The following PVALB variants were observed in gnomAD, a reference collection of about 807,000 sequenced individuals.
The protein encoded by PVALB is parvalbumin.
Under a neutral mutation model 10.9 loss-of-function variants are expected in PVALB, and 11 were observed. The ratio of observed to expected loss-of-function variants is 1.01; its 90% confidence interval spans 0.63 to 1.67. The LOEUF is 1.67. Ranked by LOEUF, PVALB falls within the 40% of genes most tolerant of loss-of-function variation. The pLI is 0.00. For synonymous variants in PVALB, 57 were observed against 50.7 expected, an observed-to-expected ratio of 1.12 and a Z score of -0.53; for missense variants, 131 against 136.2, an observed-to-expected ratio of 0.96 and a Z score of 0.19.
intron 3 of PVALB, among the ~76,000 whole-genome samples, chr22:36,803,673 G>GTGGA (rs535685267): frequency 0.27 from 31,729 of 119,660 alleles, 5,419 homozygotes; most frequent in East Asian, 0.6. Context: ...GGGTGGGTGG[G>GTGGA]TGGATGGATG....
intron 3 of PVALB, among the ~76,000 whole-genome samples, chr22:36,803,320 T>A (rs1460340462): frequency 6.6e-6 from 1 of 152,200 alleles, no homozygotes; most frequent in African/African-American, 2.4e-5. Flanking sequence ...TAGTCCTTTT[T>A]TATTTACTTC....
In PVALB at chr22:36,801,755, G is replaced by A. The variant is rs555516328; in HGVS notation, c.305-837C>T. ...GCAGAGGTTGCAGTGAGCCAAGATCGTGCCACCGCACTCCAGCTTGGGCAA... is the reference window on the plus strand; with the variant it reads ...GCAGAGGTTGCAGTGAGCCAAGATCATGCCACCGCACTCCAGCTTGGGCAA... On this transcript the variant is annotated intron_variant, in intron 3 of 3. Transcript: ENST00000417718. Among the ~76,000 whole-genome samples the A allele has an allele frequency of 6.6e-5, 10 of 152,280 alleles. No homozygotes were observed. The South Asian group carries it at 1.0e-3, about 16-fold the overall frequency.
chr22:36,808,656 G>A (rs1308346451), intron 3 of PVALB, among the ~76,000 whole-genome samples: 1 of 152,224 alleles, frequency 6.6e-6, no homozygotes, highest in African/African-American at 2.4e-5. Flanking sequence ...AACTCCTGGG[G>A]TCTGGCACAG....
At chr22:36,806,292 G>A (rs1021060543) in intron 3 of PVALB, among the ~76,000 whole-genome samples, 9 of 152,126 alleles carry the variant, frequency 5.9e-5, no homozygotes, top group African/African-American at 1.9e-4. Flanking sequence ...ACCAGAAAGC[G>A]ACAAAGGAGG....
At chr22:36,805,265 T>C (rs1377678187) in intron 3 of PVALB, among the ~76,000 whole-genome samples, 1 of 152,142 alleles carries the variant, frequency 6.6e-6, no homozygotes, top group Non-Finnish European at 1.5e-5. Context: ...ACCTGTCAAA[T>C]GGAGCTCATG....
chr22:36,802,603 C>CACAAAAAAAAAAAAAAAAA (rs1222848851), intron 3 of PVALB, among the ~76,000 whole-genome samples: 1 of 27,794 alleles, frequency 3.6e-5, no homozygotes, highest in Non-Finnish European at 7.4e-5. Context: ...CCATCTCACA[C>CACAAAAAAAAAAAAAAAAA]AAAAAAAAAA....
chr22:36,815,971 T>G (rs28372402), intron 1 of PVALB, among the ~76,000 whole-genome samples: 2 of 152,144 alleles, frequency 1.3e-5, no homozygotes, highest in Non-Finnish European at 2.9e-5. Flanking sequence ...GGTCCTTTTC[T>G]ACCTGCAATT....
chr22:36,802,328 C>A (rs879611954), intron 3 of PVALB, among the ~76,000 whole-genome samples: 12 of 152,174 alleles, frequency 7.9e-5, no homozygotes, highest in South Asian at 4.2e-4. Context: ...CTGGGCTGGG[C>A]ACGGTGGCTC....
chr22:36,803,603 G>A (rs1241063439), intron 3 of PVALB, among the ~76,000 whole-genome samples: 1 of 150,882 alleles, frequency 6.6e-6, no homozygotes, highest in East Asian at 2.0e-4. Context: ...GGTGGATGGA[G>A]GGATGAGGAA....
intron 3 of PVALB, among the ~76,000 whole-genome samples, chr22:36,802,717 A>G (rs971591841): frequency 6.6e-6 from 1 of 152,050 alleles, no homozygotes; most frequent in Non-Finnish European, 1.5e-5. Flanking sequence ...GGAAATAGAC[A>G]TCATCCTTTC....
intron 3 of PVALB, among the ~76,000 whole-genome samples, chr22:36,802,030 A>C: frequency 6.6e-6 from 1 of 152,164 alleles, no homozygotes; most frequent in East Asian, 1.9e-4. Context: ...GGCTTCAAAA[A>C]GGCCACAAAA....
intron 1 of PVALB, among the ~76,000 whole-genome samples, chr22:36,816,709 A>G (rs1939144164): frequency 6.6e-6 from 1 of 152,058 alleles, no homozygotes; most frequent in South Asian, 2.1e-4. Flanking sequence ...AGCACCCTCA[A>G]GTTTCTGTAA....
chr22:36,816,956 C>T lies in PVALB; in HGVS notation c.50G>A (p.Gly17Glu). Residue 17 changes from glycine (G) to glutamate (E), a missense_variant, in exon 1 of 4, where the codon GGA becomes GAA. By Grantham distance (98) the Gly-to-Glu change is moderately conservative (BLOSUM62 -2). Transcript: ENST00000417718. ...LNAEDIKKAV[G>E]AFSATDSFDH... ...GCGCGCTTGCTCACCGCTAAAGGCT[C>T]CCACCGCCTTCTTGATGTCCTCAGC... is the stretch of plus-strand genomic sequence containing the variant. 3 of 1,608,214 alleles carry T rather than the reference C, an allele frequency of 1.9e-6. No homozygotes were observed. Among genetic ancestry groups the T allele is most frequent in the Non-Finnish European group, 2.5e-6 (3 of 1,178,552 alleles).
At chr22:36,811,567 C>A in intron 3 of PVALB, 1 of 459,954 alleles carries the variant, frequency 2.2e-6, no homozygotes, top group South Asian at 1.6e-5. Context: ...CTGAGTGTGG[C>A]AGGGAGGGAG....
chr22:36,808,277 G>A (rs1938991174), intron 3 of PVALB, among the ~76,000 whole-genome samples: 1 of 152,218 alleles, frequency 6.6e-6, no homozygotes, highest in Non-Finnish European at 1.5e-5. Flanking sequence ...AGGCCTGTGT[G>A]CTGTACTTGG....
chr22:36,817,097 T>TG (rs1237290864), upstream of PVALB: 3 of 1,237,860 alleles, frequency 2.4e-6, no homozygotes, highest in Non-Finnish European at 3.3e-6. Flanking sequence ...GCTGCAGTGC[T>TG]GCGCGCCGGG....
intron 3 of PVALB, among the ~76,000 whole-genome samples, chr22:36,805,490 A>G (rs1277874239): frequency 6.6e-6 from 1 of 152,226 alleles, no homozygotes; most frequent in Non-Finnish European, 1.5e-5. Context: ...TGTTAGCATC[A>G]TCGTTGTTCT....
intron 3 of PVALB, among the ~76,000 whole-genome samples, chr22:36,803,517 T>C (rs1356348680): frequency 6.6e-6 from 1 of 151,404 alleles, no homozygotes; most frequent in Admixed American, 6.6e-5. Flanking sequence ...GATGGAGGGA[T>C]GGATGGACAG....
chr22:36,815,654 AGGGTTGACCTTCTTTCTT>A (rs1489073325), intron 1 of PVALB, among the ~76,000 whole-genome samples: 1 of 151,894 alleles, frequency 6.6e-6, no homozygotes, highest in Non-Finnish European at 1.5e-5. Context: ...TAGGGGGAGG[AGGGTTGACCTTCTTTCTT>A]GGCCACAGAC....
Sources: allele counts gnomAD v4.1 joint callset (sites outside exome capture counted in the v4.1 genomes callset), GRCh38; gene constraint gnomAD v4.1.1; transcripts MANE v1.5; gene names NCBI Gene and HGNC (gene_info 2026-07-23, HGNC 2026-07-21).